Variants in AKAP19 observed in about 807,000 individuals in gnomAD.
The protein encoded by AKAP19 is small A-kinase anchoring protein.
chr2:190,000,766 C>T, the AKAP19 span, among the ~76,000 whole-genome samples: 5 of 152,208 alleles, frequency 3.3e-5, no homozygotes, highest in South Asian at 2.1e-4. Flanking sequence ...TGCTCCTTTG[C>T]ATATGATTAA....
chr2:190,191,442 G>T, the AKAP19 span, among the ~76,000 whole-genome samples: 2 of 152,170 alleles, frequency 1.3e-5, no homozygotes, highest in Non-Finnish European at 2.9e-5. Context: ...ACCGTCCCCA[G>T]CCAGCATACA....
At chr2:190,025,268 A>C in the AKAP19 span, among the ~76,000 whole-genome samples, 2 of 152,160 alleles carry the variant, frequency 1.3e-5, no homozygotes, top group Admixed American at 1.3e-4. Context: ...TTACAGGATA[A>C]GTTTCAAAAA....
the AKAP19 span, chr2:190,189,809 G>GACA: frequency 6.6e-6 from 1 of 152,304 alleles, no homozygotes; most frequent in African/African-American, 2.4e-5. Context: ...CAAAGGAAGT[G>GACA]ACAGATAAAG....
the AKAP19 span, among the ~76,000 whole-genome samples, chr2:189,958,160 A>G: frequency 1.3e-5 from 2 of 152,200 alleles, no homozygotes; most frequent in Non-Finnish European, 2.9e-5. Context: ...TGTCTTGAAC[A>G]TATAAAAAAT....
the AKAP19 span, chr2:190,180,992 C>G: frequency 1.0e-6 from 1 of 985,704 alleles, no homozygotes; most frequent in Non-Finnish European, 1.2e-6. The surrounding 1 kb of genome is among the most constrained non-coding windows in gnomAD (Gnocchi z 6.8). Context: ...CCCCCTCCCA[C>G]GACAGGGCTG....
At chr2:190,141,032 T>C in the AKAP19 span, among the ~76,000 whole-genome samples, 817 of 152,286 alleles carry the variant, frequency 5.4e-3, 5 homozygotes, top group Middle Eastern at 0.027. Flanking sequence ...TGCTAAAGCA[T>C]AGCAAGTGTG....
the AKAP19 span, among the ~76,000 whole-genome samples, chr2:190,188,126 A>T: frequency 6.6e-6 from 1 of 152,092 alleles, no homozygotes; most frequent in Non-Finnish European, 1.5e-5. Flanking sequence ...GCACTGTTAG[A>T]TTTTAATACT....
chr2:190,164,579 TATA>T, the AKAP19 span, among the ~76,000 whole-genome samples: 1 of 152,206 alleles, frequency 6.6e-6, no homozygotes, highest in Non-Finnish European at 1.5e-5. Flanking sequence ...AAAATTTATT[TATA>T]ATTTATTTAG....
At chr2:190,132,430 T>C in the AKAP19 span, among the ~76,000 whole-genome samples, 2 of 152,196 alleles carry the variant, frequency 1.3e-5, no homozygotes, top group African/African-American at 2.4e-5. Flanking sequence ...AGCATGGTAC[T>C]GACATTAAAA....
At chr2:189,888,010 T>C in the AKAP19 span, among the ~76,000 whole-genome samples, 75 of 152,324 alleles carry the variant, frequency 4.9e-4, 2 homozygotes, top group South Asian at 0.015. Context: ...CTTTTGGTGT[T>C]TTAGTCATGA....
chr2:190,082,991 G>T, the AKAP19 span, among the ~76,000 whole-genome samples: 1 of 152,126 alleles, frequency 6.6e-6, no homozygotes, highest in Non-Finnish European at 1.5e-5. Flanking sequence ...ATGATGTTTT[G>T]ATATATGCAT....
At chr2:190,034,252 T>C in the AKAP19 span, among the ~76,000 whole-genome samples, 2 of 151,998 alleles carry the variant, frequency 1.3e-5, no homozygotes, top group Admixed American at 1.3e-4. Context: ...CATGCTTAGA[T>C]GAGCTCTAAA....
the AKAP19 span, among the ~76,000 whole-genome samples, chr2:190,158,150 G>A: frequency 6.6e-6 from 1 of 152,154 alleles, no homozygotes; most frequent in African/African-American, 2.4e-5. Flanking sequence ...AATCAATCAC[G>A]ACCCTTTCAT....
chr2:189,910,138 TAAAC>T, the AKAP19 span, among the ~76,000 whole-genome samples: 7,461 of 152,172 alleles, frequency 0.049, 296 homozygotes, highest in African/African-American at 0.1. Context: ...AATTACTAAA[TAAAC>T]AAATGTGCAA....
chr2:190,200,832 T>G, the AKAP19 span: 2 of 167,248 alleles, frequency 1.2e-5, no homozygotes, highest in African/African-American at 4.8e-5. Context: ...TTGCATTGAA[T>G]TAAGCCCAGT....
the AKAP19 span, among the ~76,000 whole-genome samples, chr2:190,073,350 AAC>A: frequency 6.6e-6 from 1 of 152,200 alleles, no homozygotes; most frequent in Non-Finnish European, 1.5e-5. Flanking sequence ...TATTTTTCAA[AAC>A]AGTGTTTAGA....
chr2:190,196,263 C>T, the AKAP19 span, among the ~76,000 whole-genome samples: 1 of 152,028 alleles, frequency 6.6e-6, no homozygotes, highest in Admixed American at 6.5e-5. Context: ...TCTTTTCCCT[C>T]CATTTTTCAG....
the AKAP19 span, among the ~76,000 whole-genome samples, chr2:189,916,015 T>C: frequency 6.6e-6 from 1 of 152,184 alleles, no homozygotes; most frequent in African/African-American, 2.4e-5. Context: ...GCTATCACTT[T>C]ATAGTGTGTA....
the AKAP19 span, among the ~76,000 whole-genome samples, chr2:190,072,225 A>G: frequency 6.6e-6 from 1 of 152,106 alleles, no homozygotes; most frequent in Non-Finnish European, 1.5e-5. Flanking sequence ...TCATGAGCAT[A>G]AAGATAGCAA....
Sources: allele counts gnomAD v4.1 joint callset (sites outside exome capture counted in the v4.1 genomes callset), GRCh38; gene constraint gnomAD v4.1.1; non-coding constraint Gnocchi (gnomAD v3.1); transcripts MANE v1.5; gene names NCBI Gene and HGNC (gene_info 2026-07-23, HGNC 2026-07-21).